Variants in MACF1 observed in about 807,000 individuals in gnomAD.
MACF1 encodes the protein microtubule actin crosslinking factor 1.
MACF1 carries 193 observed loss-of-function variants against 854.8 expected under a neutral mutation model. The observed-to-expected ratio is 0.23, with a 90% CI of 0.20 to 0.25. The LOEUF is 0.25. MACF1 is among the 10% of genes least tolerant of loss of function. The pLI is 1.00. For synonymous variants in MACF1, 3,185 were observed against 3,226.7 expected, an observed-to-expected ratio of 0.99 and a Z score of 0.44; for missense variants, 7,722 against 8,929.1, an observed-to-expected ratio of 0.86 and a Z score of 5.45.
chr1:39,268,589 G>A (rs1380214855), intron 6 of MACF1: 12 of 1,187,706 alleles, frequency 1.0e-5, no homozygotes, highest in Non-Finnish European at 1.3e-5. Context: ...TGCCGGCATA[G>A]TGCATGTTTT....
chr1:39,241,493 C>T (rs945450352), intron 2 of MACF1, among the ~76,000 whole-genome samples: 1 of 151,854 alleles, frequency 6.6e-6, no homozygotes, highest in Non-Finnish European at 1.5e-5. Context: ...AACCCCGTCT[C>T]TACTAAAAAT....
At chr1:39,384,888 A>C (rs563929024) in intron 56 of MACF1, among the ~76,000 whole-genome samples, 19 of 152,210 alleles carry the variant, frequency 1.2e-4, no homozygotes, top group Non-Finnish European at 2.4e-4. Flanking sequence ...ACAGAATGGG[A>C]CAAATAAGGA....
chr1:39,265,200 T>C (rs1008176710), intron 6 of MACF1, among the ~76,000 whole-genome samples: 6 of 152,178 alleles, frequency 3.9e-5, no homozygotes, highest in Non-Finnish European at 8.8e-5. Flanking sequence ...TTGTGCACTT[T>C]ATGGCACTTG....
At chr1:39,296,806 G>GAAAA (rs774331825) in intron 20 of MACF1, among the ~76,000 whole-genome samples, 1 of 111,466 alleles carries the variant, frequency 9.0e-6, no homozygotes, top group Admixed American at 8.4e-5. Flanking sequence ...GGAAGGAAAA[G>GAAAA]AAAGAAAGGA....
chr1:39,273,597 G>C (rs1645372109), intron 6 of MACF1, among the ~76,000 whole-genome samples: 1 of 151,562 alleles, frequency 6.6e-6, no homozygotes, highest in South Asian at 2.1e-4. Context: ...AAAGGATTTT[G>C]TTTCTTTTTC....
intron 2 of MACF1, among the ~76,000 whole-genome samples, chr1:39,191,849 T>A (rs1024347160): frequency 7.2e-5 from 11 of 152,322 alleles, no homozygotes; most frequent in African/African-American, 2.6e-4. Context: ...GCTATCCTTG[T>A]GTTTAGGATG....
intron 81 of MACF1, 28 bp from the exon 82 acceptor site, chr1:39,447,664 C>G: frequency 6.2e-7 from 1 of 1,612,896 alleles, no homozygotes; most frequent in Non-Finnish European, 8.5e-7. Flanking sequence ...TTATCTTAAG[C>G]TAAAAAAGAG....
chr1:39,215,667 A>G (rs1344367898), intron 1 of MACF1, among the ~76,000 whole-genome samples: 5 of 151,994 alleles, frequency 3.3e-5, no homozygotes, highest in Non-Finnish European at 7.4e-5. Flanking sequence ...CTTTTTTTAT[A>G]GAGACTGAAT....
At position 39,486,878 on chromosome 1, in the gene MACF1, T is replaced by A. The variant is rs921132579; in HGVS notation, c.*1084T>A. The A allele has an allele frequency of 1.3e-5, 2 of 152,650 alleles. No individual in the cohort carries two copies. Among genetic ancestry groups the A allele is most frequent in the Non-Finnish European group, 2.9e-5 (2 of 68,036 alleles). 9.5% of individuals were successfully genotyped at this position (152,650 alleles called of 1,614,324 possible). On this transcript the variant is annotated 3_prime_UTR_variant, in exon 101 of 101. Coordinates refer to ENST00000564288, the MANE Select transcript of MACF1 (RefSeq NM_001394062.1). ...TGTTCTTCAGCTCCGACCATGTTGCTGTGTGATTATCTCAATTGGTTTTAA... is the reference window on the plus strand; with the variant it reads ...TGTTCTTCAGCTCCGACCATGTTGCAGTGTGATTATCTCAATTGGTTTTAA...
chr1:39,415,464 T>C (rs1177398213), intron 58 of MACF1, among the ~76,000 whole-genome samples: 1 of 149,122 alleles, frequency 6.7e-6, no homozygotes, highest in Non-Finnish European at 1.5e-5. Context: ...GCCTCCCGAG[T>C]AGCTGGGACT....
chr1:39,272,724 A>C (rs1645348299), intron 6 of MACF1, among the ~76,000 whole-genome samples: 2 of 152,196 alleles, frequency 1.3e-5, no homozygotes, highest in South Asian at 4.1e-4. Flanking sequence ...GCTTCTTGCT[A>C]GTGTAGGGTT....
chr1:39,333,315 AG>A lies in MACF1; in HGVS notation c.6728del (p.Ser2243IlefsTer12). ...TFLAKDDHKE[S>X]QEAQNIAGGS... ...TCTGGCTAAGGATGACCATAAAGAA[AG>A]TCAAGAAGCACAGAACATCGCAGGT... On this transcript the variant is annotated frameshift_variant, in exon 37 of 101. Coordinates refer to ENST00000564288, the MANE Select transcript of MACF1 (RefSeq NM_001394062.1). LOFTEE classifies it high-confidence loss of function. 6.2e-7 allele frequency: 1 copy of A among 1,614,160 alleles called. No individual in the cohort carries two copies. Among genetic ancestry groups the A allele is most frequent in the Non-Finnish European group, 8.5e-7 (1 of 1,180,044 alleles).
intron 54 of MACF1, among the ~76,000 whole-genome samples, chr1:39,379,908 T>G (rs1376482329): frequency 6.6e-6 from 1 of 152,242 alleles, no homozygotes; most frequent in East Asian, 1.9e-4. Context: ...TCACCAAAAC[T>G]TTTAATATTC....
At chr1:39,222,368 A>G (rs1644663686) in intron 1 of MACF1, among the ~76,000 whole-genome samples, 1 of 152,142 alleles carries the variant, frequency 6.6e-6, no homozygotes, top group East Asian at 1.9e-4. Flanking sequence ...CAAGTGATCC[A>G]CACACCTTAA....
chr1:39,121,417 T>A (rs529409987), intron 2 of MACF1, among the ~76,000 whole-genome samples: 1 of 152,290 alleles, frequency 6.6e-6, no homozygotes, highest in African/African-American at 2.4e-5. Flanking sequence ...GAGTCCTTAC[T>A]ATATGCCGGG....
rs1199394600 is a variant in MACF1 at position 39,190,384 on chromosome 1, TGTGTGTG to T, written c.221-40797_221-40791del. On this transcript the variant is annotated intron_variant, in intron 2 of 93. Transcript: ENST00000361689. ...TTCTCTTCTTTTGTGTGTGTGTGTGTGTGTGTGTTTGTTTTTGTTTTTTTTTTTTTTT... is the reference window on the plus strand; with the variant it reads ...TTCTCTTCTTTTGTGTGTGTGTGTGTTTTGTTTTTGTTTTTTTTTTTTTTT... Among the ~76,000 whole-genome samples the T allele has an allele frequency of 2.7e-3, 349 of 127,056 alleles. 1 individual carries two copies. The highest frequency in any genetic ancestry group is 9.2e-3 in the African/African-American group (336 of 36,382). 83.4% of individuals were successfully genotyped at this position (127,056 alleles called of 152,430 possible). A position where few individuals can be genotyped will look rare whatever the true frequency, so the allele number is the denominator to read the frequency against.
chr1:39,376,211 C>G (rs1012940891), intron 52 of MACF1, among the ~76,000 whole-genome samples: 2 of 152,144 alleles, frequency 1.3e-5, no homozygotes, highest in Non-Finnish European at 2.9e-5. Context: ...ATTGAACATG[C>G]ATGTTTTATT....
chr1:39,375,322 G>A (rs1289097305), intron 52 of MACF1, among the ~76,000 whole-genome samples: 1 of 150,410 alleles, frequency 6.6e-6, no homozygotes, highest in South Asian at 2.1e-4. Context: ...TTTTTCCTGA[G>A]ACGGAGTCTC....
chr1:39,411,319 G>C (rs745529733), intron 58 of MACF1: 2 of 1,614,060 alleles, frequency 1.2e-6, no homozygotes, highest in South Asian at 2.2e-5. Context: ...TCTGATGGCA[G>C]ATGAGAAGAA....
Sources: allele counts gnomAD v4.1 joint callset (sites outside exome capture counted in the v4.1 genomes callset), GRCh38; gene constraint gnomAD v4.1.1; transcripts MANE v1.5; gene names NCBI Gene and HGNC (gene_info 2026-07-23, HGNC 2026-07-21).